Variants in ATXN7 observed in about 807,000 individuals in gnomAD.
ATXN7 encodes the protein ataxin-7.
A neutral mutation model predicts 70.5 loss-of-function variants in ATXN7; 12 were observed. The observed-to-expected ratio is 0.17, with a 90% CI of 0.11 to 0.28. ATXN7 has a LOEUF of 0.28. ATXN7 is among the 10% of genes least tolerant of loss of function. The probability of loss-of-function intolerance (pLI) is 1.00; values close to 1 mark genes in which losing one functional copy is unlikely to be tolerated. For synonymous variants in ATXN7, 498 were observed against 448.7 expected, an observed-to-expected ratio of 1.11 and a Z score of -1.39; for missense variants, 1,256 against 1,131.7, an observed-to-expected ratio of 1.11 and a Z score of -1.58.
chr3:63,877,386 A>G (rs928250046), intron 1 of ATXN7, among the ~76,000 whole-genome samples: 1 of 152,258 alleles, frequency 6.6e-6, no homozygotes, highest in Non-Finnish European at 1.5e-5. Flanking sequence ...CCAATAAAAT[A>G]TACTTTGAAA....
At chr3:63,956,725 A>G (rs1206220850) in intron 5 of ATXN7, among the ~76,000 whole-genome samples, 4 of 152,192 alleles carry the variant, frequency 2.6e-5, no homozygotes, top group Admixed American at 6.5e-5. Context: ...TGCTTGGTAC[A>G]TACAGTGGGA....
In ATXN7 at chr3:63,979,928, C is replaced by T. The variant is rs551612467; in HGVS notation, c.513C>T (p.Ser171=). Residue 171 remains serine (S), a synonymous_variant, in exon 6 of 13, where the codon AGC becomes AGT. Coordinates refer to ENST00000674280, the MANE Select transcript of ATXN7 (RefSeq NM_001377405.1). ...AFQSHYERRH[S]SSSKPPLAVP... is the part of the protein sequence containing the mutation. ...TTTCGTTTTCAGAAAGAAGACATAG[C>T]TCATCCAGCAAGCCGCCTTTGGCCG... is the stretch of plus-strand genomic sequence containing the variant. 12 of 1,614,152 alleles carry T rather than the reference C, an allele frequency of 7.4e-6. No homozygotes were observed. The East Asian group carries it at 2.5e-4, about 33-fold the overall frequency.
chr3:63,887,929 G>A (rs1703137547), intron 1 of ATXN7, among the ~76,000 whole-genome samples: 1 of 151,240 alleles, frequency 6.6e-6, no homozygotes, highest in African/African-American at 2.4e-5. Context: ...TAGGATATAA[G>A]GAAACTTTAA....
rs138519811 is a variant in ATXN7 at position 63,959,202 on chromosome 3, G to A, written c.499+6719G>A. ...CTCCTCCTCTTTTTGTATGAGACTC[G>A]TAGCATTTTGTAGCTTCTTTAGAGA... On this transcript the variant is annotated intron_variant, in intron 5 of 12. Transcript: ENST00000674280. 1.2e-4 allele frequency among the ~76,000 whole-genome samples: 19 copies of A among 152,236 alleles called. No individual in the cohort carries two copies. The East Asian group carries it at 3.1e-3, about 25-fold the overall frequency.
In ATXN7 at chr3:63,996,430, A is replaced by C. The variant is rs1332039591; in HGVS notation, c.2608A>C (p.Thr870Pro). ...CGTGAACAATGTCCACATGAAACAC[A>C]CAGGCACCATCCCAGGGGCACAAGG... ...PAVNNVHMKH[T>P]GTIPGAQGLM... Residue 870 changes from threonine to proline, a missense_variant, in exon 12 of 13, where the codon ACA becomes CCA. Physicochemically the swap from Thr to Pro is conservative, Grantham distance 38. Transcript: ENST00000674280. 6.2e-7 allele frequency: 1 copy of C among 1,614,192 alleles called. No individual in the cohort carries two copies. The highest frequency in any genetic ancestry group is 2.2e-5 in the East Asian group (1 of 44,862).
intron 1 of ATXN7, among the ~76,000 whole-genome samples, chr3:63,891,687 T>G (rs1680370057): frequency 6.6e-6 from 1 of 152,182 alleles, no homozygotes; most frequent in South Asian, 2.1e-4. Context: ...CAATGAATAT[T>G]GGGAAATTTA....
chr3:63,939,002 T>G (rs2074710250), intron 4 of ATXN7, among the ~76,000 whole-genome samples: 1 of 117,768 alleles, frequency 8.5e-6, no homozygotes. Context: ...ATTTTTTTAA[T>G]TTTTTTTTTT....
chr3:63,994,151 A>C (rs1470629134), intron 11 of ATXN7, among the ~76,000 whole-genome samples: 2 of 152,174 alleles, frequency 1.3e-5, no homozygotes, highest in Admixed American at 1.3e-4. Flanking sequence ...TCCACAGGTG[A>C]CTGTAATGTG....
chr3:63,967,055 C>A (rs1276098174), intron 5 of ATXN7, among the ~76,000 whole-genome samples: 4 of 152,156 alleles, frequency 2.6e-5, no homozygotes, highest in Admixed American at 6.5e-5. Flanking sequence ...ACTCTTGCCT[C>A]ACCCTCCCAG....
chr3:63,864,462 G>A (rs367778000), intron 1 of ATXN7: 1 of 152,120 alleles, frequency 6.6e-6, no homozygotes, highest in African/African-American at 2.4e-5. Context: ...ACTTGCGCGG[G>A]GCGCGGCCGG....
At chr3:63,962,926 T>TTA (rs2075155960) in intron 5 of ATXN7, among the ~76,000 whole-genome samples, 2 of 150,054 alleles carry the variant, frequency 1.3e-5, no homozygotes, top group Admixed American at 6.6e-5. Flanking sequence ...TTTTTTTTTT[T>TTA]CTTCTTCAAG....
chr3:63,889,907 A>G (rs970550111), intron 1 of ATXN7, among the ~76,000 whole-genome samples: 1 of 152,226 alleles, frequency 6.6e-6, no homozygotes, highest in Non-Finnish European at 1.5e-5. Context: ...ATTCCTGGTA[A>G]TTAAAATCAT....
chr3:63,941,010 T>C (rs2074753743), intron 4 of ATXN7, among the ~76,000 whole-genome samples: 1 of 152,156 alleles, frequency 6.6e-6, no homozygotes, highest in African/African-American at 2.4e-5. Context: ...TTGGTCACTG[T>C]TGTAGCCCCA....
intron 1 of ATXN7, among the ~76,000 whole-genome samples, chr3:63,887,853 G>A (rs1010275782): frequency 1.3e-5 from 2 of 150,248 alleles, no homozygotes; most frequent in Non-Finnish European, 3.0e-5. Context: ...GATTACAGAT[G>A]TGTATCGCTG....
intron 12 of ATXN7, chr3:63,998,811 CT>C: frequency 3.5e-5 from 18 of 519,616 alleles, no homozygotes; most frequent in Non-Finnish European, 4.2e-5. Flanking sequence ...AAGTAGGGAC[CT>C]CTACTTGCTG....
In ATXN7 at chr3:63,912,936, G is replaced by T; in HGVS notation, c.325+13G>T. The T allele has an allele frequency of 6.2e-7, 1 of 1,605,260 alleles. No individual in the cohort carries two copies. The highest frequency in any genetic ancestry group is 8.5e-7 in the Non-Finnish European group (1 of 1,175,206). On this transcript the variant is annotated intron_variant, in intron 3 of 12. Transcript: ENST00000674280. ...CCTGGGAAGGACGGTGAGTGTCCACGCCCTCCTCCCCCCTTCACCCCCTCG... is the reference window on the plus strand; with the variant it reads ...CCTGGGAAGGACGGTGAGTGTCCACTCCCTCCTCCCCCCTTCACCCCCTCG...
At chr3:63,964,249 C>A (rs527581890) in intron 5 of ATXN7, among the ~76,000 whole-genome samples, 1 of 152,012 alleles carries the variant, frequency 6.6e-6, no homozygotes, top group Non-Finnish European at 1.5e-5. Flanking sequence ...GTTTCTCGGG[C>A]GTCTATGGGA....
chr3:63,960,747 G>T (rs1225921708), intron 5 of ATXN7, among the ~76,000 whole-genome samples: 1 of 151,944 alleles, frequency 6.6e-6, no homozygotes, highest in Non-Finnish European at 1.5e-5. Context: ...TTAATGAGGT[G>T]CACTGACCTG....
At chr3:63,867,265 G>C (rs904791678) in intron 1 of ATXN7, among the ~76,000 whole-genome samples, 1 of 152,016 alleles carries the variant, frequency 6.6e-6, no homozygotes, top group Non-Finnish European at 1.5e-5. Flanking sequence ...AAGAGATCCA[G>C]GACTTAAAAA....
Sources: allele counts gnomAD v4.1 joint callset (sites outside exome capture counted in the v4.1 genomes callset), GRCh38; gene constraint gnomAD v4.1.1; transcripts MANE v1.5; gene names NCBI Gene and HGNC (gene_info 2026-07-23, HGNC 2026-07-21).